NOX3: variants seen among roughly 807,000 people sequenced by gnomAD.
The protein encoded by NOX3 is NADPH oxidase 3.
In NOX3, 74 loss-of-function variants were observed where a neutral mutation model predicts 76.7. That is an observed-to-expected ratio of 0.96 (90% CI 0.80 to 1.17). The LOEUF is 1.17. Ranked by LOEUF, NOX3 falls within the 50% of genes most tolerant of loss-of-function variation. The pLI is 0.00. For missense variants in NOX3, 695 were observed against 703.3 expected, an observed-to-expected ratio of 0.99 and a Z score of 0.13; for synonymous variants, 263 against 261.1, an observed-to-expected ratio of 1.01 and a Z score of -0.07.
chr6:155,452,990 CTTTTCTT>C (rs755700414), intron 4 of NOX3, among the ~76,000 whole-genome samples: 36 of 152,262 alleles, frequency 2.4e-4, no homozygotes, highest in Non-Finnish European at 4.1e-4. Flanking sequence ...CATGATCTTT[CTTTTCTT>C]TTTTCTTTTT....
chr6:155,436,335 C>T (rs1582942351), intron 7 of NOX3, 83 bp downstream of exon 7: 1 of 1,506,612 alleles, frequency 6.6e-7, no homozygotes, highest in East Asian at 2.3e-5. Flanking sequence ...GTGAAATGTG[C>T]TTTCTTTTTT....
intron 12 of NOX3, among the ~76,000 whole-genome samples, chr6:155,402,368 A>T (rs892134158): frequency 6.6e-6 from 1 of 152,260 alleles, no homozygotes; most frequent in Admixed American, 6.5e-5. Context: ...TAAAAGGCTT[A>T]TAATGCATCC....
At chr6:155,440,509 T>A in intron 5 of NOX3, among the ~76,000 whole-genome samples, 1 of 151,652 alleles carries the variant, frequency 6.6e-6, no homozygotes, top group Non-Finnish European at 1.5e-5. Context: ...GGCATGGTGG[T>A]TTGAGCCTAT....
In NOX3 at chr6:155,411,348, A is replaced by G; in HGVS notation, c.1321T>C (p.Trp441Arg). 1 of 1,613,674 alleles carries G rather than the reference A, an allele frequency of 6.2e-7. No homozygotes were observed. Among genetic ancestry groups the G allele is most frequent in the South Asian group, 1.1e-5 (1 of 90,950 alleles). The part of the protein sequence containing the change: ...PLKLSKVYFY[W>R]ICRDARAFEW... ...AAAGCTCTTGCATCCCGGCAAATCC[A>G]GTAGAAATACACCTGTCAAGAGAGA... Residue 441 changes from tryptophan (W) to arginine (R), a missense_variant, in exon 11 of 14, where the codon TGG (tryptophan) becomes CGG (arginine). Transcript: ENST00000159060.
rs777866764 is a variant in NOX3 at position 155,396,887 on chromosome 6, T to C, written c.1656A>G (p.Ser552=). Residue 552 remains serine (S), a synonymous_variant, in exon 13 of 14, where the codon TCA becomes TCG. Coordinates refer to ENST00000159060, the MANE Select transcript of NOX3 (RefSeq NM_015718.3). ...RTLQKMCHLY[S]SADPRGVHFY... ...AATGAACACCTCTGGGGTCAGCTGA[T>C]GAATACAAGTGGCACATCTTTTGAA... The C allele has an allele frequency of 1.9e-6, 3 of 1,613,472 alleles. No homozygotes were observed. The highest frequency in any genetic ancestry group is 4.5e-5 in the East Asian group (2 of 44,850).
At chr6:155,450,369 C>A (rs915565769) in intron 4 of NOX3, among the ~76,000 whole-genome samples, 4 of 152,210 alleles carry the variant, frequency 2.6e-5, no homozygotes, top group African/African-American at 9.7e-5. Context: ...CAGTCCACCC[C>A]AGACTGCTCA....
At chr6:155,449,422 T>G (rs1416756251) in intron 4 of NOX3, among the ~76,000 whole-genome samples, 1 of 152,128 alleles carries the variant, frequency 6.6e-6, no homozygotes, top group African/African-American at 2.4e-5. Context: ...TCCAGAAAGA[T>G]CTGCATTAAT....
intron 10 of NOX3, 59 bp downstream of exon 10, chr6:155,422,635 G>T (rs1021000359): frequency 3.3e-6 from 5 of 1,511,024 alleles, no homozygotes; most frequent in Non-Finnish European, 4.6e-6. Context: ...GCAGATGATA[G>T]ATATAAGGAC....
At chr6:155,446,896 A>C (rs1252874225) in intron 4 of NOX3, among the ~76,000 whole-genome samples, 2 of 152,126 alleles carry the variant, frequency 1.3e-5, no homozygotes, top group African/African-American at 4.8e-5. Context: ...AGCTGTTCCC[A>C]ATTTACAGAA....
chr6:155,428,589 T>TC lies in NOX3; in HGVS notation c.1145+204_1145+205insG, dbSNP rs373385187. ...GGCTGAACATTAGTCTTTTTTTCTT[T>TC]TTTTTTTTTTTTTTTTACAGGAACA... is the stretch of plus-strand genomic sequence containing the variant. On this transcript the variant is annotated intron_variant, in intron 9 of 13. Coordinates refer to ENST00000159060, the MANE Select transcript of NOX3 (RefSeq NM_015718.3). Among the ~76,000 whole-genome samples the TC allele has an allele frequency of 3.7e-3, 541 of 145,422 alleles. 3 individuals are homozygous for TC. Among genetic ancestry groups the TC allele is most frequent in the Non-Finnish European group, 4.6e-3 (301 of 65,754 alleles).
Position 155,454,794 on chromosome 6 carries a change from G to T in NOX3, c.255+17C>A. The T allele has an allele frequency of 1.4e-6, 2 of 1,385,880 alleles. No homozygotes were observed. The highest frequency in any genetic ancestry group is 2.0e-6 in the Non-Finnish European group (2 of 1,000,726). The allele number at this position is 1,385,880 out of a possible 1,614,324, so 85.8% of individuals were successfully genotyped here. On this transcript the variant is annotated intron_variant, in intron 3 of 13. Transcript: ENST00000159060. ...AGTCGTAACAGTTGAGATTATTTCA[G>T]ATATTTTAGTACTTACAATACTTGT...
chr6:155,428,951 T>C lies in NOX3; in HGVS notation c.988A>G (p.Ile330Val). 1.2e-6 allele frequency: 2 copies of C among 1,614,068 alleles called. No individual in the cohort carries two copies. Among genetic ancestry groups the C allele is most frequent in the Non-Finnish European group, 1.7e-6 (2 of 1,179,972 alleles). ...AAGGGGTGCCACTCCAGCGAAGATA[T>C]GGCTGGGCACTGCACCAAGATGTAC... ...GQYILVQCPAISSLEWHPFTL... is the reference protein window; with the variant it reads ...GQYILVQCPAVSSLEWHPFTL... The change falls in exon 9 of 14, where the codon ATA becomes GTA. Residue 330 changes from isoleucine to valine, a missense_variant. Ile to Val is a conservative substitution (Grantham distance 29). Coordinates refer to ENST00000159060, the MANE Select transcript of NOX3 (RefSeq NM_015718.3).
Position 155,411,279 on chromosome 6 carries a change from T to C in NOX3, c.1390A>G (p.Ser464Gly). ...DLLLSLETRMSEQGKTHFLSY... is the reference protein window; with the variant it reads ...DLLLSLETRMGEQGKTHFLSY... ...AGAAAGTGAGTTTTCCCCTGCTCAC[T>C]CATCCGTGTTTCCAGGGAGAGTAAG... The change falls in exon 11 of 14, where the codon AGT (serine) becomes GGT (glycine). Residue 464 changes from serine to glycine, a missense_variant. Physicochemically the swap from Ser to Gly is moderately conservative, Grantham distance 56. Coordinates refer to ENST00000159060, the MANE Select transcript of NOX3 (RefSeq NM_015718.3). 2 of 1,614,060 alleles carry C rather than the reference T, an allele frequency of 1.2e-6. No homozygotes were observed. Among genetic ancestry groups the C allele is most frequent in the Non-Finnish European group, 1.7e-6 (2 of 1,179,930 alleles).
rs1776791521 is a variant in NOX3, at chr6:155,428,786, G to C, written c.1145+8C>G. The stretch of plus-strand genomic sequence containing the variant: ...TGCAATTTATACATGAGAGAAATGG[G>C]CACGAACCTTGGCAGGCTCCAGGGC... On this transcript the variant is annotated splice_region_variant and intron_variant, in intron 9 of 13. Transcript: ENST00000159060. The C allele has an allele frequency of 6.8e-7, 1 of 1,477,730 alleles. No individual in the cohort carries two copies. The highest frequency in any genetic ancestry group is 2.4e-5 in the East Asian group (1 of 42,382). The allele number at this position is 1,477,730 out of a possible 1,614,324, so 91.5% of individuals were successfully genotyped here. A position where few individuals can be genotyped will look rare whatever the true frequency, so the allele number is the denominator to read the frequency against.
At chr6:155,431,738 T>A (rs891471699) in intron 7 of NOX3, among the ~76,000 whole-genome samples, 3 of 152,274 alleles carry the variant, frequency 2.0e-5, no homozygotes, top group African/African-American at 7.2e-5. Flanking sequence ...TACTGAACAA[T>A]CCCATGAGGC....
intron 9 of NOX3, among the ~76,000 whole-genome samples, chr6:155,427,580 T>C (rs1776773891): frequency 6.6e-6 from 1 of 152,246 alleles, no homozygotes; most frequent in African/African-American, 2.4e-5. Context: ...GAAGTGTCTC[T>C]ACCGAGCTCC....
intron 4 of NOX3, among the ~76,000 whole-genome samples, chr6:155,448,135 C>T (rs985153687): frequency 6.6e-6 from 1 of 152,120 alleles, no homozygotes; most frequent in Non-Finnish European, 1.5e-5. Context: ...TTCTTTTAGG[C>T]CCTTTTTTTC....
rs868856498 is a variant in NOX3 at position 155,397,659 on chromosome 6, A to T, written c.1581-697T>A. 2.2e-4 allele frequency among the ~76,000 whole-genome samples: 33 copies of T among 152,364 alleles called. 1 individual carries two copies. The highest frequency in any genetic ancestry group is 3.4e-3 in the Middle Eastern group (1 of 294). The stretch of plus-strand genomic sequence containing the variant: ...TGATAAGGACTACGTTGTATGTTTT[A>T]TCAAAAGCAAGATGAGATAATACAT... On this transcript the variant is annotated intron_variant, in intron 12 of 13. Transcript: ENST00000159060.
chr6:155,397,761 G>T (rs1779158678), intron 12 of NOX3, among the ~76,000 whole-genome samples: 1 of 152,138 alleles, frequency 6.6e-6, no homozygotes, highest in African/African-American at 2.4e-5. Context: ...TAAAATTAAT[G>T]CTAAAGTAAT....
Sources: gnomAD v4.1 joint callset for allele counts (sites outside exome capture counted in the v4.1 genomes callset) on GRCh38, gnomAD v4.1.1 for gene constraint, MANE v1.5 for transcripts, NCBI Gene and HGNC (gene_info 2026-07-23, HGNC 2026-07-21) for gene names.